The following HMCN2 variants were observed in gnomAD, a reference collection of about 807,000 sequenced individuals.
HMCN2 encodes hemicentin-2.
In HMCN2, 325 loss-of-function variants were observed where a neutral mutation model predicts 377.5. That is an observed-to-expected ratio of 0.86 (90% confidence interval 0.79 to 0.94). The LOEUF (loss-of-function observed/expected upper bound fraction) is 0.94. HMCN2 is among the 40% of genes least tolerant of loss of function. The probability of loss-of-function intolerance (pLI) is 0.00; values close to 1 mark genes in which losing one functional copy is unlikely to be tolerated. For missense variants in HMCN2, 4,543 were observed against 4,725.3 expected, an observed-to-expected ratio of 0.96 and a Z score of 1.13; for synonymous variants, 2,007 against 2,046.8, an observed-to-expected ratio of 0.98 and a Z score of 0.53.
At chr9:130,313,774 CTTTTTTTTTTTT>C (rs1215426849) in intron 15 of HMCN2, among the ~76,000 whole-genome samples, 54 of 81,560 alleles carry the variant, frequency 6.6e-4, no homozygotes, top group African/African-American at 2.4e-3. Flanking sequence ...TGTGTGTCCT[CTTTTTTTTTTTT>C]TTTTTTTTTT....
At chr9:130,376,474 C>T (rs1433214889) in intron 51 of HMCN2, 42 bp from the exon 52 acceptor site, 4 of 966,728 alleles carry the variant, frequency 4.1e-6, no homozygotes, top group Non-Finnish European at 3.7e-6. Flanking sequence ...GGTTTCAGCA[C>T]CCATCCCCCA....
intron 23 of HMCN2, among the ~76,000 whole-genome samples, chr9:130,339,929 T>C (rs1275050763): frequency 6.6e-6 from 1 of 152,174 alleles, no homozygotes; most frequent in African/African-American, 2.4e-5. Flanking sequence ...TGGAGCAAGG[T>C]GGCCCCTGGG....
chr9:130,385,734 G>A lies in HMCN2; in HGVS notation c.9281G>A (p.Gly3094Glu), dbSNP rs1433815370. 1.5e-6 allele frequency: 2 copies of A among 1,303,940 alleles called. No homozygotes were observed. The highest frequency in any genetic ancestry group is 1.5e-5 in the African/African-American group (1 of 65,830). 80.8% of individuals were successfully genotyped at this position (1,303,940 alleles called of 1,614,324 possible). Reference protein sequence around the residue: ...LAQRTQALRGGQRLEIQEAQV... With the variant: ...LAQRTQALRGEQRLEIQEAQV... The stretch of plus-strand genomic sequence containing the variant: ...CAGCGGACCCAGGCTCTGCGGGGTG[G>A]GCAGAGGCTGGAGATCCAGGAAGCC... Residue 3094 changes from glycine to glutamate, a missense_variant, in exon 60 of 98, where the codon GGG becomes GAG. By Grantham distance (98) the Gly-to-Glu change is moderately conservative. This residue lies in a region of HMCN2 where 736 missense variants were observed against 773.2 expected (regional missense o/e 0.95). Coordinates refer to ENST00000683500, the MANE Select transcript of HMCN2 (RefSeq NM_001291815.2).
At chr9:130,417,544 A>C (rs1588429588) in intron 85 of HMCN2, among the ~76,000 whole-genome samples, 1 of 151,378 alleles carries the variant, frequency 6.6e-6, no homozygotes, top group South Asian at 2.1e-4. Context: ...AAAACAAAAA[A>C]AAACGAGAGA....
chr9:130,314,958 G>A (rs1029701471), intron 15 of HMCN2, among the ~76,000 whole-genome samples: 3,192 of 152,076 alleles, frequency 0.021, 47 homozygotes, highest in Middle Eastern at 0.037. Flanking sequence ...TTTCGCTGGG[G>A]GAGCAGCAGG....
In HMCN2 at chr9:130,429,552, C is replaced by A. The variant is rs1770143179; in HGVS notation, c.14198-5C>A. 6.5e-7 allele frequency: 1 copy of A among 1,550,358 alleles called. No homozygotes were observed. The highest frequency in any genetic ancestry group is 8.7e-7 in the Non-Finnish European group (1 of 1,146,902). On this transcript the variant is annotated splice_region_variant and splice_polypyrimidine_tract_variant and intron_variant, in intron 93 of 97. Transcript: ENST00000683500. ...CCCACCACCGACCATGCCCCTGCCTCCCAGATGTGGACGAATGCCTGGAGG... is the reference window on the plus strand; with the variant it reads ...CCCACCACCGACCATGCCCCTGCCTACCAGATGTGGACGAATGCCTGGAGG...
chr9:130,348,795 T>C lies in HMCN2; in HGVS notation c.4155+120T>C. ...AGGGAGATGTGACAGGTGTCTTTGGTGGTGCTCTGGGGTTCACGGCAGTGG... is the reference window on the plus strand; with the variant it reads ...AGGGAGATGTGACAGGTGTCTTTGGCGGTGCTCTGGGGTTCACGGCAGTGG... On this transcript the variant is annotated intron_variant, in intron 27 of 97. Transcript: ENST00000683500. The C allele has an allele frequency of 2.4e-6, 3 of 1,249,206 alleles. No homozygotes were observed. In the South Asian group the frequency reaches 4.1e-5, roughly 17 times the overall value. The allele number at this position is 1,249,206 out of a possible 1,614,324, so 77.4% of individuals were successfully genotyped here.
intron 11 of HMCN2, among the ~76,000 whole-genome samples, chr9:130,305,783 A>G (rs1394902865): frequency 1.3e-5 from 2 of 152,186 alleles, no homozygotes; most frequent in African/African-American, 4.8e-5. Context: ...GTCAACCTCA[A>G]GGTCACTGGA....
chr9:130,354,855 C>G lies in HMCN2; in HGVS notation c.4957C>G (p.His1653Asp). ...GGCGCTGGAGTGCGTGGCCAGAGGC[C>G]ACCCGTCCCCCACCCTCTCCTGGCA... ...PVALECVARG[H>D]PSPTLSWHHE... The change falls in exon 32 of 98, where the codon CAC becomes GAC. Residue 1653 changes from histidine to aspartate, a missense_variant. This residue lies in a region of HMCN2 where 1,032 missense variants were observed against 1,285.1 expected (regional missense o/e 0.80). Coordinates refer to ENST00000683500, the MANE Select transcript of HMCN2 (RefSeq NM_001291815.2). 7.7e-7 allele frequency: 1 copy of G among 1,304,258 alleles called. No homozygotes were observed. The highest frequency in any genetic ancestry group is 1.0e-6 in the Non-Finnish European group (1 of 988,938). 80.8% of individuals were successfully genotyped at this position (1,304,258 alleles called of 1,614,324 possible).
chr9:130,266,519 C>T (rs189391520), intron 1 of HMCN2, among the ~76,000 whole-genome samples: 3 of 152,246 alleles, frequency 2.0e-5, no homozygotes, highest in African/African-American at 4.8e-5. Flanking sequence ...TGGGACGCTA[C>T]GAGCCTTTGC....
rs534290636 is a variant in HMCN2 at position 130,375,649 on chromosome 9, G to A, written c.7717G>A (p.Glu2573Lys). The A allele has an allele frequency of 5.1e-6, 5 of 985,930 alleles. No homozygotes were observed. Among genetic ancestry groups the A allele is most frequent in the East Asian group, 2.3e-4 (2 of 8,818 alleles). 61.1% of individuals were successfully genotyped at this position (985,930 alleles called of 1,614,324 possible). A position where few individuals can be genotyped will look rare whatever the true frequency, so the allele number is the denominator to read the frequency against. The change falls in exon 50 of 98, where the codon GAG (glutamate) becomes AAG (lysine). Residue 2573 changes from glutamate to lysine, a missense_variant. Coordinates refer to ENST00000683500, the MANE Select transcript of HMCN2 (RefSeq NM_001291815.2). ...TVNNPISLIC[E>K]ALAFPSPNIT... is the part of the protein sequence containing the mutation. ...CAACAACCCCATCTCTCTGATCTGC[G>A]AGGCCCTGGCCTTCCCTTCCCCCAA...
chr9:130,382,623 AC>A, intron 55 of HMCN2, 55 bp from the exon 56 acceptor site: 1 of 694,884 alleles, frequency 1.4e-6, no homozygotes, highest in South Asian at 6.5e-5. Context: ...CTCCACGGCC[AC>A]CCCCGCCCCC....
chr9:130,311,736 A>AG (rs1204382385), intron 15 of HMCN2, among the ~76,000 whole-genome samples: 2 of 152,256 alleles, frequency 1.3e-5, no homozygotes, highest in African/African-American at 4.8e-5. Flanking sequence ...CCCCGTGACA[A>AG]GAGAAGTGAG....
chr9:130,425,796 T>C lies in HMCN2; in HGVS notation c.13751T>C (p.Ile4584Thr), dbSNP rs1844310606. 3.2e-6 allele frequency: 5 copies of C among 1,550,482 alleles called. No individual in the cohort carries two copies. The highest frequency in any genetic ancestry group is 4.4e-6 in the Non-Finnish European group (5 of 1,147,004). ...LPSFLRCNHSIQYNAARGPQP... is the reference protein window; with the variant it reads ...LPSFLRCNHSTQYNAARGPQP... ...TCGTTCCTACGCTGCAACCACAGCA[T>C]CCAGTACAACGCGGCCCGGGGCCCC... Residue 4584 changes from isoleucine (I) to threonine (T), a missense_variant, in exon 90 of 98, where the codon ATC (isoleucine) becomes ACC (threonine). Coordinates refer to ENST00000683500, the MANE Select transcript of HMCN2 (RefSeq NM_001291815.2).
intron 80 of HMCN2, among the ~76,000 whole-genome samples, chr9:130,404,315 G>A (rs1363531164): frequency 2.0e-5 from 3 of 152,160 alleles, no homozygotes; most frequent in African/African-American, 4.8e-5. Flanking sequence ...GGCCATCCCC[G>A]CCCGCAGCTA....
rs1168911529 is a variant in HMCN2, at chr9:130,433,833, C to A, written c.*140C>A. 4.3e-6 allele frequency: 3 copies of A among 694,706 alleles called. No individual in the cohort carries two copies. Among genetic ancestry groups the A allele is most frequent in the African/African-American group, 1.9e-5 (1 of 52,280 alleles). 43.0% of individuals were successfully genotyped at this position (694,706 alleles called of 1,614,324 possible). ...GCGTCAGCGAGACCTTGGGTCAACA[C>A]GACCCTGCGCACAGCCTTGACCCCC... On this transcript the variant is annotated 3_prime_UTR_variant, in exon 98 of 98. Coordinates refer to ENST00000683500, the MANE Select transcript of HMCN2 (RefSeq NM_001291815.2).
chr9:130,425,653 C>T, intron 89 of HMCN2, 34 bp from the exon 90 acceptor site: 1 of 1,324,876 alleles, frequency 7.5e-7, no homozygotes, highest in Non-Finnish European at 1.1e-6. Flanking sequence ...TCTCCCCCAC[C>T]CCTCCTCCTC....
At position 130,433,542 on chromosome 9, in the gene HMCN2, C is replaced by T; in HGVS notation, c.15089C>T (p.Ala5030Val). 6.8e-7 allele frequency: 1 copy of T among 1,468,706 alleles called. No individual in the cohort carries two copies. Among genetic ancestry groups the T allele is most frequent in the Non-Finnish European group, 9.0e-7 (1 of 1,116,962 alleles). The allele number at this position is 1,468,706 out of a possible 1,614,324, so 91.0% of individuals were successfully genotyped here. A position where few individuals can be genotyped will look rare whatever the true frequency, so the allele number is the denominator to read the frequency against. The change falls in exon 98 of 98, where the codon GCG becomes GTG. Residue 5030 changes from alanine to valine, a missense_variant. This residue lies in a region of HMCN2 where 1,155 missense variants were observed against 1,157.7 expected (regional missense o/e 1.00). Transcript: ENST00000683500. ...GAGCCCGACCCCCGCAGCCCCTTCG[C>T]GCTGCGTCCGCTGCGCGCGGGCCTT... is the stretch of plus-strand genomic sequence containing the variant. Reference protein sequence around the residue: ...MLEPDPRSPFALRPLRAGLGA... With the variant: ...MLEPDPRSPFVLRPLRAGLGA...
At chr9:130,392,853 G>T (rs917284441) in intron 66 of HMCN2, among the ~76,000 whole-genome samples, 1 of 151,790 alleles carries the variant, frequency 6.6e-6, no homozygotes, top group Non-Finnish European at 1.5e-5. Flanking sequence ...AAAATTAGCC[G>T]GGCCTGGTGG....
Sources: allele counts gnomAD v4.1 joint callset (sites outside exome capture counted in the v4.1 genomes callset), GRCh38; gene constraint gnomAD v4.1.1; regional missense constraint gnomAD v4.1.1; transcripts MANE v1.5; gene names NCBI Gene and HGNC (gene_info 2026-07-23, HGNC 2026-07-21).